ANK3: variants seen among roughly 807,000 people sequenced by gnomAD.
ANK3 encodes the protein ankyrin-3.
In ANK3, 57 loss-of-function variants were observed where a neutral mutation model predicts 370.9. The observed-to-expected ratio is 0.15, with a 90% CI of 0.12 to 0.19. ANK3 has a LOEUF of 0.19. Ranked by LOEUF, ANK3 falls within the 10% of genes least tolerant of loss-of-function variation. The pLI, the probability that ANK3 is intolerant of heterozygous loss-of-function variation, is 1.00. For missense variants in ANK3, 4,439 were observed against 5,302.1 expected (o/e 0.84, Z 5.06); for synonymous variants, 1,929 against 1,946.3 (o/e 0.99, Z 0.23).
chr10:60,171,577 G>C (rs989660083), intron 21 of ANK3, among the ~76,000 whole-genome samples: 1 of 152,138 alleles, frequency 6.6e-6, no homozygotes, highest in Non-Finnish European at 1.5e-5. Context: ...ATGGAGTCAG[G>C]AATAACTCAA....
At chr10:60,533,016 T>A (rs1253854444) in intron 2 of ANK3, among the ~76,000 whole-genome samples, 2 of 152,126 alleles carry the variant, frequency 1.3e-5, no homozygotes, top group Non-Finnish European at 2.9e-5. Flanking sequence ...GTATATCATG[T>A]TGGAATGCAA....
intron 2 of ANK3, among the ~76,000 whole-genome samples, chr10:60,460,929 G>C (rs1294956731): frequency 6.6e-6 from 1 of 152,144 alleles, no homozygotes; most frequent in Non-Finnish European, 1.5e-5. Context: ...AGAAGTTTGA[G>C]TAATTCTGTT....
At chr10:60,592,658 G>T (rs1421581133) in intron 2 of ANK3, among the ~76,000 whole-genome samples, 1 of 152,172 alleles carries the variant, frequency 6.6e-6, no homozygotes, top group Non-Finnish European at 1.5e-5. Flanking sequence ...CAGCTACTCG[G>T]GAGGCTGAGG....
chr10:60,580,623 AT>A (rs1289120802), intron 2 of ANK3, among the ~76,000 whole-genome samples: 1 of 152,204 alleles, frequency 6.6e-6, no homozygotes, highest in Non-Finnish European at 1.5e-5. Context: ...TCTCCAAATA[AT>A]TAACCTCAGT....
chr10:60,249,680 A>T (rs367613972), intron 7 of ANK3, among the ~76,000 whole-genome samples: 1 of 152,208 alleles, frequency 6.6e-6, no homozygotes. Context: ...GTCTGTGCCA[A>T]CAGCTTTATC....
At chr10:60,276,842 C>T (rs7098008) in intron 4 of ANK3, among the ~76,000 whole-genome samples, 42,953 of 152,018 alleles carry the variant, frequency 0.28, 6,236 homozygotes, top group South Asian at 0.34. Flanking sequence ...ATCTCAGAGC[C>T]TAAAACTACC....
At chr10:60,444,802 G>T (rs899745637) in intron 2 of ANK3, among the ~76,000 whole-genome samples, 6 of 151,898 alleles carry the variant, frequency 4.0e-5, no homozygotes, top group Non-Finnish European at 7.4e-5. Context: ...AAGAGTTGTG[G>T]GTATTTATGA....
chr10:60,338,942 G>A (rs149745915), intron 1 of ANK3, among the ~76,000 whole-genome samples: 29 of 152,108 alleles, frequency 1.9e-4, no homozygotes, highest in African/African-American at 6.0e-4. Context: ...AATAGGAGCC[G>A]TATTTGGGTC....
intron 23 of ANK3, chr10:60,140,356 C>A: frequency 6.2e-7 from 1 of 1,613,792 alleles, no homozygotes; most frequent in South Asian, 1.1e-5. Flanking sequence ...TCTTACTCTG[C>A]GGTAAAGCCA....
At chr10:60,578,051 CTT>C (rs1179063804) in intron 2 of ANK3, among the ~76,000 whole-genome samples, 4 of 152,142 alleles carry the variant, frequency 2.6e-5, no homozygotes, top group Admixed American at 6.6e-5. Flanking sequence ...AAGCAATACT[CTT>C]TGTGACAGTA....
intron 2 of ANK3, among the ~76,000 whole-genome samples, chr10:60,471,681 A>G (rs2065223311): frequency 6.6e-6 from 1 of 152,192 alleles, no homozygotes; most frequent in Non-Finnish European, 1.5e-5. Flanking sequence ...CCTTTCAAGA[A>G]TAACATTTTA....
chr10:60,181,110 T>C (rs1308005403), intron 18 of ANK3, among the ~76,000 whole-genome samples: 1 of 152,192 alleles, frequency 6.6e-6, no homozygotes, highest in Admixed American at 6.5e-5. Flanking sequence ...GGGAAATTAC[T>C]GTGCAGCTAG....
Position 60,198,556 on chromosome 10 carries a change from A to G in ANK3, c.1492-19T>C, listed in dbSNP as rs1368704384. ...GGTCATCCTAAACAGCAAGGTAGAAATGTAAGGCTGATGAGCTGAGGAAAC... is the reference window on the plus strand; with the variant it reads ...GGTCATCCTAAACAGCAAGGTAGAAGTGTAAGGCTGATGAGCTGAGGAAAC... On this transcript the variant is annotated intron_variant, in intron 13 of 43. Transcript: ENST00000280772. The G allele has an allele frequency of 7.4e-6, 12 of 1,611,634 alleles. No homozygotes were observed. In the South Asian group the frequency reaches 1.3e-4, roughly 18 times the overall value.
intron 43 of ANK3, among the ~76,000 whole-genome samples, chr10:60,035,762 G>GA (rs2131845013): frequency 6.6e-6 from 1 of 151,448 alleles, no homozygotes; most frequent in South Asian, 2.1e-4. Context: ...TGCTGAGGCA[G>GA]GCAGATTACC....
At chr10:60,539,683 C>T (rs1247316029) in intron 2 of ANK3, among the ~76,000 whole-genome samples, 1 of 151,872 alleles carries the variant, frequency 6.6e-6, no homozygotes, top group African/African-American at 2.4e-5. Flanking sequence ...GACAAAACAG[C>T]TCTGAGAGAA....
chr10:60,368,733 G>A (rs544152470), intron 1 of ANK3, among the ~76,000 whole-genome samples: 2 of 152,268 alleles, frequency 1.3e-5, no homozygotes, highest in African/African-American at 4.8e-5. Context: ...AGAAGCAATA[G>A]AATGGAAATC....
chr10:60,357,760 C>T (rs1447575043), intron 1 of ANK3, among the ~76,000 whole-genome samples: 4 of 152,100 alleles, frequency 2.6e-5, no homozygotes, highest in African/African-American at 9.7e-5. Flanking sequence ...TTTTCACTTC[C>T]AGCCATCCCT....
intron 2 of ANK3, among the ~76,000 whole-genome samples, chr10:60,543,586 A>G (rs2053322567): frequency 6.6e-6 from 1 of 152,004 alleles, no homozygotes; most frequent in Non-Finnish European, 1.5e-5. Flanking sequence ...TCTGAAAGGG[A>G]ATTGACAACA....
chr10:60,399,065 G>C (rs562401342), intron 2 of ANK3, among the ~76,000 whole-genome samples: 5 of 152,026 alleles, frequency 3.3e-5, no homozygotes, highest in Admixed American at 2.6e-4. Context: ...ATGGGGTATC[G>C]CCTATGTATG....
Sources: allele counts gnomAD v4.1 joint callset (sites outside exome capture counted in the v4.1 genomes callset), GRCh38; gene constraint gnomAD v4.1.1; transcripts MANE v1.5; gene names NCBI Gene and HGNC (gene_info 2026-07-23, HGNC 2026-07-21).